INTS7: variants seen among roughly 807,000 people sequenced by gnomAD.
INTS7 encodes chromosome 1 open reading frame 73.
A neutral mutation model predicts 109.2 loss-of-function variants in INTS7; 46 were observed. That is an observed-to-expected ratio of 0.42 (90% CI 0.33 to 0.54). The LOEUF (loss-of-function observed/expected upper bound fraction) is 0.54. Ranked by LOEUF, INTS7 falls within the 20% of genes least tolerant of loss-of-function variation. The pLI is 0.07. For synonymous variants in INTS7, 412 were observed against 402.9 expected (o/e 1.02, Z -0.27); for missense variants, 929 against 1,132.4 (o/e 0.82, Z 2.58).
intron 1 of INTS7, 85 bp from the exon 2 acceptor site, chr1:212,021,297 G>T: frequency 2.7e-6 from 3 of 1,098,128 alleles, no homozygotes; most frequent in Non-Finnish European, 3.9e-6. Flanking sequence ...TAATTTACTA[G>T]ATAGTAAAGA....
At chr1:211,986,996 C>T (rs1664921212) in intron 8 of INTS7, among the ~76,000 whole-genome samples, 2 of 152,134 alleles carry the variant, frequency 1.3e-5, no homozygotes, top group African/African-American at 2.4e-5. Context: ...GCAAAACTTG[C>T]ATTAAAACAA....
chr1:211,953,651 T>A (rs1663220632), intron 16 of INTS7, among the ~76,000 whole-genome samples: 1 of 149,866 alleles, frequency 6.7e-6, no homozygotes, highest in East Asian at 2.0e-4. Context: ...ACATGCGGTG[T>A]TTGGTTTTTT....
In INTS7 at chr1:212,030,294, T is replaced by G. The variant is rs12075457; in HGVS notation, c.94+5050A>C. ...AGCTTCAATTCTACATGATTTTTTG[T>G]TTTTTTTTTTTGAGATGGAGTTTCA... On this transcript the variant is annotated intron_variant, in intron 1 of 19. Transcript: ENST00000366994. Among the ~76,000 whole-genome samples, 309 of 110,850 alleles carry G rather than the reference T, an allele frequency of 2.8e-3. 5 individuals are homozygous for G. Among genetic ancestry groups the G allele is most frequent in the African/African-American group, 9.5e-3 (295 of 30,900 alleles). 72.7% of individuals were successfully genotyped at this position (110,850 alleles called of 152,430 possible).
intron 1 of INTS7, among the ~76,000 whole-genome samples, chr1:212,031,296 A>T (rs1374920209): frequency 1.3e-5 from 2 of 152,366 alleles, no homozygotes; most frequent in Admixed American, 1.3e-4. Flanking sequence ...CCATCAGCTG[A>T]TCTAAAAATG....
chr1:212,001,170 G>C (rs986141640), intron 7 of INTS7, among the ~76,000 whole-genome samples: 1 of 150,044 alleles, frequency 6.7e-6, no homozygotes, highest in African/African-American at 2.5e-5. Flanking sequence ...GGATTCAAGC[G>C]ATTCTCCTGC....
chr1:211,950,435 C>A (rs140601155), intron 17 of INTS7, among the ~76,000 whole-genome samples: 50 of 152,268 alleles, frequency 3.3e-4, no homozygotes, highest in Non-Finnish European at 5.6e-4. Flanking sequence ...TCATGCCTGG[C>A]TAATTTTGGT....
At chr1:211,988,150 C>T (rs981766542) in intron 7 of INTS7, 147 bp from the exon 8 acceptor site, 1 of 498,392 alleles carries the variant, frequency 2.0e-6, no homozygotes, top group Admixed American at 3.6e-5. Context: ...AGGCCAGGTG[C>T]AGTGGCTCAT....
intron 7 of INTS7, among the ~76,000 whole-genome samples, chr1:211,994,429 T>C (rs1250367176): frequency 6.6e-6 from 1 of 151,002 alleles, no homozygotes; most frequent in Non-Finnish European, 1.5e-5. Flanking sequence ...TTCTCTTTTT[T>C]TTTTTTTTTT....
intron 1 of INTS7, among the ~76,000 whole-genome samples, chr1:212,023,816 A>G (rs1049114273): frequency 6.6e-6 from 1 of 152,022 alleles, no homozygotes; most frequent in South Asian, 2.1e-4. Context: ...TTCTTTCCCA[A>G]TGCTGATTTT....
intron 16 of INTS7, among the ~76,000 whole-genome samples, chr1:211,957,453 G>A (rs1213201992): frequency 6.6e-6 from 1 of 152,128 alleles, no homozygotes; most frequent in African/African-American, 2.4e-5. Context: ...GGCTGAGGCA[G>A]GAGAATCGCT....
In INTS7 at chr1:211,941,991, A is replaced by AT; in HGVS notation, c.2721dup (p.Ser908IlefsTer60). On this transcript the variant is annotated frameshift_variant, in exon 20 of 20. Transcript: ENST00000366994. LOFTEE classifies it high-confidence loss of function. ...ATACCATTGGCATCTTTCACAGAAG[A>AT]TTCCACTGTAATGTTGTGTGTTCCA... 6.2e-7 allele frequency: 1 copy of AT among 1,614,216 alleles called. No individual in the cohort carries two copies. The highest frequency in any genetic ancestry group is 8.5e-7 in the Non-Finnish European group (1 of 1,180,030).
chr1:212,001,070 T>C, intron 7 of INTS7, among the ~76,000 whole-genome samples: 1 of 151,046 alleles, frequency 6.6e-6, no homozygotes, highest in South Asian at 2.1e-4. Flanking sequence ...ATTCCTTTTT[T>C]TTTTTTTTTT....
chr1:211,948,986 T>C (rs1662966594), intron 17 of INTS7, among the ~76,000 whole-genome samples: 1 of 152,278 alleles, frequency 6.6e-6, no homozygotes, highest in African/African-American at 2.4e-5. Flanking sequence ...ATTATGGGCA[T>C]AAGGCACTGT....
chr1:212,015,451 G>A (rs1666383159), intron 4 of INTS7, among the ~76,000 whole-genome samples: 1 of 151,952 alleles, frequency 6.6e-6, no homozygotes, highest in Non-Finnish European at 1.5e-5. Context: ...TCCACTCAGG[G>A]TTAAATGGAT....
rs143498720 is a variant in INTS7, at chr1:212,021,278, T to G, written c.95-66A>C. On this transcript the variant is annotated intron_variant, in intron 1 of 19. Transcript: ENST00000366994. ...CATATTTGTGGCTACAAAGCAAAAA[T>G]AGCAAATATAATTTACTAGATAGTA... 7.1e-4 allele frequency: 979 copies of G among 1,371,358 alleles called. 5 individuals are homozygous for G. In the African/African-American group the frequency reaches 0.013, roughly 18 times the overall value. The allele number at this position is 1,371,358 out of a possible 1,614,324, so 84.9% of individuals were successfully genotyped here. A position where few individuals can be genotyped will look rare whatever the true frequency, so the allele number is the denominator to read the frequency against.
At chr1:212,009,887 A>G (rs1253940876) in intron 5 of INTS7, among the ~76,000 whole-genome samples, 4 of 152,250 alleles carry the variant, frequency 2.6e-5, no homozygotes, top group African/African-American at 9.6e-5. Flanking sequence ...GGAACACAAC[A>G]AAGCTCATTC....
At chr1:212,018,266 A>T (rs1336414769) in intron 3 of INTS7, among the ~76,000 whole-genome samples, 1 of 152,096 alleles carries the variant, frequency 6.6e-6, no homozygotes, top group Non-Finnish European at 1.5e-5. Flanking sequence ...TTTCCTTTAA[A>T]GTGATCCTTC....
chr1:212,000,988 C>T (rs1000006311), intron 7 of INTS7, among the ~76,000 whole-genome samples: 5 of 151,906 alleles, frequency 3.3e-5, no homozygotes, highest in Non-Finnish European at 5.9e-5. Flanking sequence ...TTTACTCCTC[C>T]GAGGATAAAA....
intron 1 of INTS7, among the ~76,000 whole-genome samples, chr1:212,024,509 T>G (rs1422960588): frequency 6.6e-6 from 1 of 152,248 alleles, no homozygotes; most frequent in Non-Finnish European, 1.5e-5. Flanking sequence ...AATACTACTT[T>G]CAGCTATTTA....
Sources: allele counts gnomAD v4.1 joint callset (sites outside exome capture counted in the v4.1 genomes callset), GRCh38; gene constraint gnomAD v4.1.1; transcripts MANE v1.5; gene names NCBI Gene and HGNC (gene_info 2026-07-23, HGNC 2026-07-21).